Variants in ATP13A5 observed in about 807,000 individuals in gnomAD.
ATP13A5 encodes the protein probable cation-transporting ATPase 13A5.
ATP13A5 carries 149 observed loss-of-function variants against 150.2 expected under a neutral mutation model. The ratio of observed to expected loss-of-function variants is 0.99; its 90% CI spans 0.87 to 1.14. ATP13A5 has a LOEUF of 1.14. Ranked by LOEUF, ATP13A5 falls within the 50% of genes most tolerant of loss-of-function variation. ATP13A5 has a pLI of 0.00. For missense variants in ATP13A5, 1,383 were observed against 1,449.3 expected (o/e 0.95, Z 0.74); for synonymous variants, 497 against 522.2 (o/e 0.95, Z 0.66).
intron 1 of ATP13A5, among the ~76,000 whole-genome samples, chr3:193,375,344 A>G (rs1423516201): frequency 6.6e-6 from 1 of 152,220 alleles, no homozygotes; most frequent in Non-Finnish European, 1.5e-5. Context: ...GCCAAATCCC[A>G]TTCCATTAAG....
At chr3:193,339,523 G>C (rs192818175) in intron 9 of ATP13A5, among the ~76,000 whole-genome samples, 88 of 152,284 alleles carry the variant, frequency 5.8e-4, no homozygotes, top group African/African-American at 2.0e-3. Context: ...ATTTTCTGCT[G>C]TGATGTATTT....
intron 1 of ATP13A5, among the ~76,000 whole-genome samples, chr3:193,375,246 A>C (rs1043018386): frequency 6.6e-6 from 1 of 152,222 alleles, no homozygotes; most frequent in Non-Finnish European, 1.5e-5. Flanking sequence ...TACCTCATTT[A>C]ATCCTCACCA....
chr3:193,342,282 C>A (rs1712157595), intron 9 of ATP13A5, among the ~76,000 whole-genome samples: 1 of 152,174 alleles, frequency 6.6e-6, no homozygotes, highest in Non-Finnish European at 1.5e-5. Context: ...TATTTGTGGA[C>A]AAATTCCCTA....
At position 193,351,216 on chromosome 3, in the gene ATP13A5, A is replaced by G. The variant is rs1449338571; in HGVS notation, c.607-15T>C. The G allele has an allele frequency of 1.2e-6, 2 of 1,613,474 alleles. No individual in the cohort carries two copies. The highest frequency in any genetic ancestry group is 1.1e-5 in the South Asian group (1 of 91,034). Reference sequence around the variant, plus strand: ...GGATTTAAAACCTGCAGGCACAAAAATGGCATTTGGGTCACTTGCATGAAC... The same window carrying G: ...GGATTTAAAACCTGCAGGCACAAAAGTGGCATTTGGGTCACTTGCATGAAC... On this transcript the variant is annotated splice_polypyrimidine_tract_variant and intron_variant, in intron 6 of 29. Transcript: ENST00000342358.
rs562200450 is a variant in ATP13A5, at chr3:193,353,956, A to G, written c.606+171T>C. Among the ~76,000 whole-genome samples the G allele has an allele frequency of 1.1e-4, 17 of 152,310 alleles. No homozygotes were observed. The South Asian group carries it at 3.5e-3, about 32-fold the overall frequency. Reference sequence around the variant, plus strand: ...ATTATGAGGCAGGAATCTGTCTCACACTGGAAAGGAATTTTAAAGTAAACC... The same window carrying G: ...ATTATGAGGCAGGAATCTGTCTCACGCTGGAAAGGAATTTTAAAGTAAACC... On this transcript the variant is annotated intron_variant, in intron 6 of 29. Transcript: ENST00000342358.
intron 1 of ATP13A5, among the ~76,000 whole-genome samples, chr3:193,371,608 G>A (rs1345320438): frequency 6.6e-6 from 1 of 152,122 alleles, no homozygotes; most frequent in African/African-American, 2.4e-5. Context: ...CTTAAGATGG[G>A]GGGCCCCCAT....
intron 1 of ATP13A5, among the ~76,000 whole-genome samples, chr3:193,377,583 C>A (rs1340545154): frequency 6.6e-6 from 1 of 152,138 alleles, no homozygotes; most frequent in Non-Finnish European, 1.5e-5. Context: ...CCCATGGCTG[C>A]CTTATTGAAC....
In ATP13A5 at chr3:193,351,151, C is replaced by A; in HGVS notation, c.657G>T (p.Leu219=). 6.2e-7 allele frequency: 1 copy of A among 1,613,852 alleles called. No homozygotes were observed. Among genetic ancestry groups the A allele is most frequent in the Non-Finnish European group, 8.5e-7 (1 of 1,179,776 alleles). ...VFQAFTLTLW[L]SQGYIEYSVA... is the part of the protein sequence containing the mutation. ...CAGAGTATTCTATGTAACCTTGAGACAGCCACAAAGTTAGGGTGAAGGCTT... is the reference window on the plus strand; with the variant it reads ...CAGAGTATTCTATGTAACCTTGAGAAAGCCACAAAGTTAGGGTGAAGGCTT... Residue 219 remains leucine, a synonymous_variant, in exon 7 of 30, where the codon CTG becomes CTT. Transcript: ENST00000342358.
At chr3:193,349,017 T>G (rs1712461320) in intron 7 of ATP13A5, among the ~76,000 whole-genome samples, 1 of 152,304 alleles carries the variant, frequency 6.6e-6, no homozygotes, top group Admixed American at 6.5e-5. Flanking sequence ...TATGTTTTAT[T>G]TCATAATTTG....
intron 28 of ATP13A5, among the ~76,000 whole-genome samples, chr3:193,279,138 T>G (rs1717362398): frequency 6.6e-6 from 1 of 152,162 alleles, no homozygotes; most frequent in Non-Finnish European, 1.5e-5. Flanking sequence ...CAAACAATAT[T>G]TCAGGTAGGT....
intron 17 of ATP13A5, among the ~76,000 whole-genome samples, chr3:193,317,737 C>T (rs1560129842): frequency 1.3e-5 from 2 of 151,984 alleles, no homozygotes; most frequent in African/African-American, 4.8e-5. Context: ...TGATATTCCC[C>T]AAAAAAACCT....
At position 193,351,196 on chromosome 3, in the gene ATP13A5, T is replaced by A; in HGVS notation, c.612A>T (p.Leu204Phe). Reference protein sequence around the residue: ...PIWKLLVKQVLNPFYVFQAFT... With the variant: ...PIWKLLVKQVFNPFYVFQAFT... ...AGGCTTGGAACACATAGAATGGATT[T>A]AAAACCTGCAGGCACAAAAATGGCA... The change falls in exon 7 of 30, where the codon TTA becomes TTT. Residue 204 changes from leucine (L) to phenylalanine (F), a missense_variant. Physicochemically the swap from Leu to Phe is conservative, Grantham distance 22. This residue lies in a region of ATP13A5 where 787 missense variants were observed against 771.9 expected (regional missense o/e 1.02). Coordinates refer to ENST00000342358, the MANE Select transcript of ATP13A5 (RefSeq NM_198505.4). The A allele has an allele frequency of 6.2e-7, 1 of 1,613,668 alleles. No individual in the cohort carries two copies. The highest frequency in any genetic ancestry group is 8.5e-7 in the Non-Finnish European group (1 of 1,179,652).
At chr3:193,333,698 C>T (rs77747748) in intron 11 of ATP13A5, 52 bp downstream of exon 11, 72,725 of 1,547,824 alleles carry the variant, frequency 0.047, 2,039 homozygotes, top group Non-Finnish European at 0.055. Context: ...TGAGTTAGGT[C>T]AAGCTCTTTG....
chr3:193,341,967 A>G (rs1178273276), intron 9 of ATP13A5, among the ~76,000 whole-genome samples: 1 of 152,202 alleles, frequency 6.6e-6, no homozygotes, highest in Admixed American at 6.5e-5. Flanking sequence ...GCTTAGAATT[A>G]TCTTTCTCAC....
At chr3:193,374,573 A>G (rs1342931238) in intron 1 of ATP13A5, among the ~76,000 whole-genome samples, 1 of 150,692 alleles carries the variant, frequency 6.6e-6, no homozygotes, top group African/African-American at 2.5e-5. Flanking sequence ...TGTGCCTGGG[A>G]GATTGAGGCT....
intron 12 of ATP13A5, among the ~76,000 whole-genome samples, chr3:193,328,576 T>C (rs1348268511): frequency 6.6e-6 from 1 of 152,170 alleles, no homozygotes; most frequent in Non-Finnish European, 1.5e-5. Context: ...TATCTCTCTA[T>C]GAAAATGACC....
At chr3:193,347,040 G>A (rs73074788) in intron 7 of ATP13A5, among the ~76,000 whole-genome samples, 7,696 of 152,120 alleles carry the variant, frequency 0.051, 565 homozygotes, top group African/African-American at 0.17. Context: ...GAATTTAGTC[G>A]TTTTCTCTGT....
Position 193,345,052 on chromosome 3 carries a change from G to A in ATP13A5, c.765C>T (p.Leu255=), listed in dbSNP as rs1262968899. 1.1e-5 allele frequency: 18 copies of A among 1,613,502 alleles called. No individual in the cohort carries two copies. Among genetic ancestry groups the A allele is most frequent in the Middle Eastern group, 1.6e-4 (1 of 6,080 alleles). Residue 255 remains leucine, a synonymous_variant, in exon 8 of 30, where the codon CTC becomes CTT. Coordinates refer to ENST00000342358, the MANE Select transcript of ATP13A5 (RefSeq NM_198505.4). ...LRQQSVKLHN[L]VEDHNKVQVT... The stretch of plus-strand genomic sequence containing the variant: ...CCTGGACTTTGTTGTGGTCCTCCAC[G>A]AGGTTATGCAGCTTAACTGATTGCT...
At chr3:193,364,077 T>G (rs4386441) in intron 2 of ATP13A5, 30 bp downstream of exon 2, 3 of 1,609,224 alleles carry the variant, frequency 1.9e-6, no homozygotes, top group Non-Finnish European at 2.6e-6. Flanking sequence ...CGATCATGGC[T>G]TTCAAAATAG....
Sources: allele counts gnomAD v4.1 joint callset (sites outside exome capture counted in the v4.1 genomes callset), GRCh38; gene constraint gnomAD v4.1.1; regional missense constraint gnomAD v4.1.1; transcripts MANE v1.5; gene names NCBI Gene and HGNC (gene_info 2026-07-23, HGNC 2026-07-21).